IMMP1L: variants seen among roughly 807,000 people sequenced by gnomAD.
IMMP1L encodes the protein mitochondrial inner membrane protease subunit 1.
In IMMP1L, 24 loss-of-function variants were observed where a neutral mutation model predicts 21.8. That is an observed-to-expected ratio of 1.10 (90% CI 0.80 to 1.55). The LOEUF (loss-of-function observed/expected upper bound fraction) is 1.55, where lower values mean the gene tolerates loss of function less well. Ranked by LOEUF, IMMP1L falls within the 40% of genes most tolerant of loss-of-function variation. The pLI is 0.00. For missense variants in IMMP1L, 195 were observed against 200.7 expected (o/e 0.97, Z 0.17); for synonymous variants, 46 against 62.8 (o/e 0.73, Z 1.26).
At chr11:31,455,714 A>T (rs1953916775) in intron 4 of IMMP1L, among the ~76,000 whole-genome samples, 1 of 152,068 alleles carries the variant, frequency 6.6e-6, no homozygotes, top group Non-Finnish European at 1.5e-5. Context: ...TGACCTTGAC[A>T]TTTTTGAAGA....
intron 1 of IMMP1L, among the ~76,000 whole-genome samples, chr11:31,489,127 G>C (rs1955174917): frequency 6.6e-6 from 1 of 151,990 alleles, no homozygotes; most frequent in Non-Finnish European, 1.5e-5. Context: ...TTGATTTCCT[G>C]ACCTTGTGAT....
chr11:31,500,099 T>C (rs1955570423), intron 1 of IMMP1L, among the ~76,000 whole-genome samples: 1 of 152,126 alleles, frequency 6.6e-6, no homozygotes, highest in Non-Finnish European at 1.5e-5. Context: ...TCCTTGATTA[T>C]GCACATTAAA....
At chr11:31,455,723 G>T (rs944892396) in intron 4 of IMMP1L, among the ~76,000 whole-genome samples, 1 of 152,058 alleles carries the variant, frequency 6.6e-6, no homozygotes, top group Non-Finnish European at 1.5e-5. Context: ...CATTTTTGAA[G>T]AGTATTGATC....
At chr11:31,435,249 G>A (rs1354212944) in intron 4 of IMMP1L, among the ~76,000 whole-genome samples, 1 of 152,168 alleles carries the variant, frequency 6.6e-6, no homozygotes, top group Non-Finnish European at 1.5e-5. Context: ...CAGGATCAGT[G>A]GTTTCTACAT....
rs144937834 is a variant in IMMP1L, at chr11:31,441,708, T to C, written c.322-8138A>G. On this transcript the variant is annotated intron_variant, in intron 4 of 5. Transcript: ENST00000532287. Reference sequence around the variant, plus strand: ...GAATTCTATAGCAATATTATAATAATAAAATATGAAGAGGATAAAATGGTA... The same window carrying C: ...GAATTCTATAGCAATATTATAATAACAAAATATGAAGAGGATAAAATGGTA... Among the ~76,000 whole-genome samples, 770 of 152,282 alleles carry C rather than the reference T, an allele frequency of 5.1e-3. 13 individuals are homozygous for C. The highest frequency in any genetic ancestry group is 6.8e-3 in the Middle Eastern group (2 of 294).
chr11:31,490,920 T>A (rs1202749100), intron 1 of IMMP1L, among the ~76,000 whole-genome samples: 1 of 152,056 alleles, frequency 6.6e-6, no homozygotes, highest in African/African-American at 2.4e-5. Flanking sequence ...AAAAGAACAA[T>A]GTGAAAATGA....
At chr11:31,475,701 T>C (rs1188260276) in intron 1 of IMMP1L, among the ~76,000 whole-genome samples, 3 of 152,100 alleles carry the variant, frequency 2.0e-5, no homozygotes, top group Non-Finnish European at 4.4e-5. Flanking sequence ...ATAAGCCAAA[T>C]TTCTTATAAG....
intron 1 of IMMP1L, among the ~76,000 whole-genome samples, chr11:31,502,157 G>T (rs1955642212): frequency 6.6e-6 from 1 of 152,132 alleles, no homozygotes; most frequent in East Asian, 1.9e-4. Flanking sequence ...TTTGAACATA[G>T]ATGTGGAAGA....
intron 1 of IMMP1L, among the ~76,000 whole-genome samples, chr11:31,503,937 A>C (rs1955704095): frequency 1.3e-5 from 2 of 152,374 alleles, no homozygotes; most frequent in Admixed American, 6.5e-5. Flanking sequence ...TTTATGTGTG[A>C]CTTTATTTAT....
intron 4 of IMMP1L, among the ~76,000 whole-genome samples, chr11:31,445,446 AT>A (rs1442203201): frequency 6.6e-6 from 1 of 152,202 alleles, no homozygotes; most frequent in African/African-American, 2.4e-5. Flanking sequence ...AGAAAAACAG[AT>A]TTATATCTGA....
rs60971392 is a variant in IMMP1L, at chr11:31,490,469, TA to T, written c.-30+19049del. On this transcript the variant is annotated intron_variant, in intron 1 of 5. Transcript: ENST00000532287. The stretch of plus-strand genomic sequence containing the variant: ...CCTGGTGACAAAGCGAGACTCCATC[TA>T]AAAAAAAAAAAAAAGCAGTTCATTA... 9.1e-3 allele frequency among the ~76,000 whole-genome samples: 1,192 copies of T among 131,510 alleles called. 3 individuals are homozygous for T. The highest frequency in any genetic ancestry group is 0.013 in the African/African-American group (454 of 35,898). 86.3% of individuals were successfully genotyped at this position (131,510 alleles called of 152,430 possible).
chr11:31,448,869 A>G, intron 4 of IMMP1L: 1 of 876,436 alleles, frequency 1.1e-6, no homozygotes, highest in Non-Finnish European at 1.4e-6. Flanking sequence ...GAACAAAAAC[A>G]CTTCAGACTT....
At chr11:31,438,710 T>C (rs757795660) in intron 4 of IMMP1L, among the ~76,000 whole-genome samples, 15 of 152,286 alleles carry the variant, frequency 9.8e-5, no homozygotes, top group Middle Eastern at 6.8e-3. Context: ...CTGTTTTTGT[T>C]TCCTTTTTTC....
intron 4 of IMMP1L, among the ~76,000 whole-genome samples, chr11:31,444,792 G>A (rs1223119): frequency 0.36 from 54,794 of 151,820 alleles, 12,108 homozygotes; most frequent in African/African-American, 0.63. Flanking sequence ...GTTTCACTAT[G>A]CTGGTCTCGA....
At chr11:31,456,425 T>G in intron 3 of IMMP1L, 39 bp from the exon 4 acceptor site, 2 of 1,578,064 alleles carry the variant, frequency 1.3e-6, no homozygotes, top group Non-Finnish European at 1.7e-6. Context: ...GTATTATTTA[T>G]TAAGCAAAAA....
chr11:31,471,611 TA>T (rs1412202238), intron 1 of IMMP1L, among the ~76,000 whole-genome samples: 2 of 152,110 alleles, frequency 1.3e-5, no homozygotes, highest in African/African-American at 4.8e-5. Context: ...TCCAATGTAA[TA>T]AAAGGGAAGA....
At chr11:31,435,031 C>A (rs1953072936) in intron 4 of IMMP1L, among the ~76,000 whole-genome samples, 1 of 152,108 alleles carries the variant, frequency 6.6e-6, no homozygotes, top group Non-Finnish European at 1.5e-5. Flanking sequence ...TTTGATAAAG[C>A]TATAAGGTGA....
rs771232344 is a variant in IMMP1L at position 31,490,846 on chromosome 11, AG to A, written c.-30+18672del. 8.5e-5 allele frequency among the ~76,000 whole-genome samples: 13 copies of A among 152,310 alleles called. No individual in the cohort carries two copies. The South Asian group carries it at 2.7e-3, about 32-fold the overall frequency. On this transcript the variant is annotated intron_variant, in intron 1 of 5. Coordinates refer to ENST00000532287, the MANE Select transcript of IMMP1L (RefSeq NM_001304274.2). ...AATGTGAGATCATAGTAGATTACAA[AG>A]GGTCCTAAATCCAACGGGAACGTCC... is the stretch of plus-strand genomic sequence containing the variant.
chr11:31,445,818 A>G (rs1169816719), intron 4 of IMMP1L, among the ~76,000 whole-genome samples: 1 of 151,800 alleles, frequency 6.6e-6, no homozygotes, highest in Non-Finnish European at 1.5e-5. Context: ...GTGATGATGC[A>G]TGATACAAAG....
Sources: allele counts gnomAD v4.1 joint callset (sites outside exome capture counted in the v4.1 genomes callset), GRCh38; gene constraint gnomAD v4.1.1; transcripts MANE v1.5; gene names NCBI Gene and HGNC (gene_info 2026-07-23, HGNC 2026-07-21).